TBCK: variants seen among roughly 807,000 people sequenced by gnomAD.
TBCK encodes the protein TBC domain-containing protein kinase-like protein.
In TBCK, 99 loss-of-function variants were observed where a neutral mutation model predicts 113.4. The ratio of observed to expected loss-of-function variants is 0.87; its 90% CI spans 0.74 to 1.03. TBCK has a LOEUF of 1.03. Ranked by LOEUF, TBCK falls within the 50% of genes least tolerant of loss-of-function variation. TBCK has a pLI of 0.00. For missense variants in TBCK, 1,045 were observed against 1,061.3 expected (o/e 0.98, Z 0.21); for synonymous variants, 369 against 370.8 (o/e 1.00, Z 0.05).
At chr4:106,134,542 G>A (rs527293264) in intron 23 of TBCK, among the ~76,000 whole-genome samples, 1 of 152,308 alleles carries the variant, frequency 6.6e-6, no homozygotes, top group South Asian at 2.1e-4. Flanking sequence ...AAGGAGATAG[G>A]TTTGGGGAAG....
At chr4:106,219,721 TA>T (rs1312982205) in intron 19 of TBCK, among the ~76,000 whole-genome samples, 3 of 152,018 alleles carry the variant, frequency 2.0e-5, no homozygotes, top group Non-Finnish European at 4.4e-5. Context: ...TTTTTTTAAA[TA>T]TAGACTGGGT....
intron 23 of TBCK, among the ~76,000 whole-genome samples, chr4:106,125,051 C>T (rs1283668801): frequency 1.3e-5 from 2 of 149,792 alleles, no homozygotes; most frequent in Non-Finnish European, 3.0e-5. Flanking sequence ...GTTAAAATTG[C>T]CGTTATCAAA....
chr4:106,255,815 C>A (rs1051071734), intron 5 of TBCK, among the ~76,000 whole-genome samples: 3 of 152,152 alleles, frequency 2.0e-5, no homozygotes, highest in African/African-American at 7.2e-5. Context: ...GGTACATGGA[C>A]AAGTGAAGGG....
chr4:106,164,908 A>G (rs1750191982), intron 23 of TBCK, among the ~76,000 whole-genome samples: 1 of 151,802 alleles, frequency 6.6e-6, no homozygotes, highest in Admixed American at 6.6e-5. Flanking sequence ...AGCATACCTT[A>G]TAAACTGAAG....
chr4:106,212,918 A>G, intron 19 of TBCK, 83 bp from the exon 20 acceptor site: 1 of 855,406 alleles, frequency 1.2e-6, no homozygotes, highest in South Asian at 1.7e-5. Context: ...TTATTTATAC[A>G]TTGAATGAGA....
intron 22 of TBCK, among the ~76,000 whole-genome samples, chr4:106,174,993 G>A (rs1477187029): frequency 6.6e-6 from 1 of 151,906 alleles, no homozygotes; most frequent in Non-Finnish European, 1.5e-5. Flanking sequence ...CAAATGTGGT[G>A]GAGTGCACCT....
chr4:106,272,488 A>ATTTTTTTTTTTT (rs746246379), intron 3 of TBCK, among the ~76,000 whole-genome samples: 1 of 124,562 alleles, frequency 8.0e-6, no homozygotes, highest in Non-Finnish European at 1.6e-5. Flanking sequence ...TGTTTATTTA[A>ATTTTTTTTTTTT]TTTTTTTTTT....
intron 24 of TBCK, among the ~76,000 whole-genome samples, chr4:106,099,223 GA>G (rs1258960602): frequency 6.6e-6 from 1 of 152,028 alleles, no homozygotes; most frequent in Non-Finnish European, 1.5e-5. Context: ...AAAAAGATTT[GA>G]AAATTCCTTT....
At chr4:106,120,351 T>C (rs1744153218) in intron 23 of TBCK, among the ~76,000 whole-genome samples, 1 of 151,548 alleles carries the variant, frequency 6.6e-6, no homozygotes, top group Non-Finnish European at 1.5e-5. Flanking sequence ...AGCACAGCAG[T>C]CTGAGATCAA....
chr4:106,235,780 G>A lies in TBCK; in HGVS notation c.1351-413C>T, dbSNP rs563417164. ...ATAAGCTACTATTATGAGTACTTCC[G>A]CATTTTGCATATAAATTTATACTTT... On this transcript the variant is annotated intron_variant, in intron 14 of 25. Transcript: ENST00000394708. Among the ~76,000 whole-genome samples, 30 of 152,044 alleles carry A rather than the reference G, an allele frequency of 2.0e-4. 1 individual carries two copies. The South Asian group carries it at 5.4e-3, about 27-fold the overall frequency.
intron 23 of TBCK, among the ~76,000 whole-genome samples, chr4:106,131,188 T>C (rs572804567): frequency 6.2e-4 from 95 of 152,344 alleles, no homozygotes; most frequent in African/African-American, 2.2e-3. Flanking sequence ...ATGTAAGATA[T>C]GACTTTGCTC....
intron 24 of TBCK, among the ~76,000 whole-genome samples, chr4:106,104,351 C>A (rs2149536645): frequency 6.6e-6 from 1 of 152,328 alleles, no homozygotes; most frequent in South Asian, 2.1e-4. Flanking sequence ...GGGTGGGTTG[C>A]CATCTTTGCT....
chr4:106,245,945 A>T (rs971300071), intron 10 of TBCK, among the ~76,000 whole-genome samples: 1 of 152,176 alleles, frequency 6.6e-6, no homozygotes, highest in African/African-American at 2.4e-5. Flanking sequence ...GAAACTAGAA[A>T]AAAACATCTG....
At chr4:106,177,608 T>C (rs1235811270) in intron 22 of TBCK, among the ~76,000 whole-genome samples, 1 of 152,048 alleles carries the variant, frequency 6.6e-6, no homozygotes, top group African/African-American at 2.4e-5. Context: ...CAATGTATAT[T>C]GTTGGCACCT....
intron 22 of TBCK, among the ~76,000 whole-genome samples, chr4:106,189,273 A>C (rs1753382427): frequency 6.6e-6 from 1 of 151,596 alleles, no homozygotes; most frequent in Admixed American, 6.6e-5. Flanking sequence ...TGTACTTAGA[A>C]ACAGACATGC....
intron 12 of TBCK, among the ~76,000 whole-genome samples, chr4:106,237,819 C>T (rs1759639850): frequency 6.6e-6 from 1 of 152,010 alleles, no homozygotes; most frequent in Non-Finnish European, 1.5e-5. Flanking sequence ...AGTTTTACTG[C>T]ATTATTAATA....
intron 3 of TBCK, among the ~76,000 whole-genome samples, chr4:106,267,667 C>G (rs2150119679): frequency 6.6e-6 from 1 of 151,922 alleles, no homozygotes; most frequent in Non-Finnish European, 1.5e-5. Context: ...CCACCATCAC[C>G]AAAAAAGATG....
intron 25 of TBCK, among the ~76,000 whole-genome samples, chr4:106,069,726 A>T (rs543512829): frequency 2.2e-4 from 33 of 152,300 alleles, no homozygotes; most frequent in African/African-American, 7.5e-4. Context: ...TCTATAAATT[A>T]CCCTGGGCAG....
intron 23 of TBCK, among the ~76,000 whole-genome samples, chr4:106,130,159 G>A (rs1174598143): frequency 1.3e-5 from 2 of 151,938 alleles, no homozygotes; most frequent in Admixed American, 1.3e-4. Flanking sequence ...CTAATTTGAG[G>A]GTACTAATTA....
Sources: allele counts gnomAD v4.1 joint callset (sites outside exome capture counted in the v4.1 genomes callset), GRCh38; gene constraint gnomAD v4.1.1; transcripts MANE v1.5; gene names NCBI Gene and HGNC (gene_info 2026-07-23, HGNC 2026-07-21).